SMOC1: variants seen among roughly 807,000 people sequenced by gnomAD.
SMOC1 encodes the protein SPARC-related modular calcium-binding protein 1.
SMOC1 carries 22 observed loss-of-function variants against 56.3 expected under a neutral mutation model. The observed-to-expected ratio is 0.39, with a 90% CI of 0.28 to 0.56. SMOC1 has a LOEUF of 0.56. SMOC1 is among the 20% of genes least tolerant of loss of function. The pLI is 0.61. For missense variants in SMOC1, 509 were observed against 565.4 expected, an observed-to-expected ratio of 0.90 and a Z score of 1.01; for synonymous variants, 193 against 215.0, an observed-to-expected ratio of 0.90 and a Z score of 0.89.
At chr14:69,922,738 G>T (rs1188770336) in intron 1 of SMOC1, among the ~76,000 whole-genome samples, 1 of 152,040 alleles carries the variant, frequency 6.6e-6, no homozygotes, top group East Asian at 1.9e-4. Flanking sequence ...CAGAGCCCTA[G>T]TGTTGGGTGT....
At chr14:69,960,630 T>G (rs953316013) in intron 3 of SMOC1, among the ~76,000 whole-genome samples, 1 of 152,260 alleles carries the variant, frequency 6.6e-6, no homozygotes, top group African/African-American at 2.4e-5. Flanking sequence ...TATTACAGTG[T>G]GAACATCTAC....
At chr14:69,908,817 G>A (rs1004243785) in intron 1 of SMOC1, among the ~76,000 whole-genome samples, 1 of 152,116 alleles carries the variant, frequency 6.6e-6, no homozygotes. Context: ...AAACAGTGTA[G>A]GGGAGTTGTT....
rs538083533 is a variant in SMOC1 at position 70,013,372 on chromosome 14, A to G, written c.941-14A>G. The G allele has an allele frequency of 1.2e-6, 2 of 1,610,938 alleles. No homozygotes were observed. Among genetic ancestry groups the G allele is most frequent in the East Asian group, 2.2e-5 (1 of 44,852 alleles). ...TATCTGGCATCTACCTTCAAATCTCATTTTATCTTTTAGGCTGTCCAGAAG... is the reference window on the plus strand; with the variant it reads ...TATCTGGCATCTACCTTCAAATCTCGTTTTATCTTTTAGGCTGTCCAGAAG... On this transcript the variant is annotated splice_polypyrimidine_tract_variant and intron_variant, in intron 9 of 11. Transcript: ENST00000361956.
At chr14:70,025,481 G>A (rs1386092501) in intron 11 of SMOC1, among the ~76,000 whole-genome samples, 1 of 152,060 alleles carries the variant, frequency 6.6e-6, no homozygotes, top group African/African-American at 2.4e-5. Context: ...TGTCTGACGC[G>A]GATGCTTCTC....
At chr14:69,973,211 T>C (rs74060659) in intron 3 of SMOC1, among the ~76,000 whole-genome samples, 3,007 of 152,324 alleles carry the variant, frequency 0.02, 89 homozygotes, top group African/African-American at 0.069. Flanking sequence ...CTGTGGAGGT[T>C]ACTAGAGGAG....
At chr14:69,921,444 T>C (rs997660498) in intron 1 of SMOC1, among the ~76,000 whole-genome samples, 2 of 152,222 alleles carry the variant, frequency 1.3e-5, no homozygotes, top group East Asian at 1.9e-4. Context: ...TTCCCTATTC[T>C]GGGCCAAGTT....
chr14:69,894,581 C>T (rs777914606), intron 1 of SMOC1, among the ~76,000 whole-genome samples: 1 of 152,142 alleles, frequency 6.6e-6, no homozygotes, highest in Non-Finnish European at 1.5e-5. Context: ...GGAAGGGATG[C>T]TGGAGCAACA....
Position 70,030,361 on chromosome 14 carries a change from A to T in SMOC1, c.*103A>T. On this transcript the variant is annotated 3_prime_UTR_variant, in exon 12 of 12. Transcript: ENST00000361956. Reference sequence around the variant, plus strand: ...CCATGGCCCTGCCACATCCCGTGTAACATAAGTGGTGCCCACCATGTTTGC... The same window carrying T: ...CCATGGCCCTGCCACATCCCGTGTATCATAAGTGGTGCCCACCATGTTTGC... The T allele has an allele frequency of 7.0e-7, 1 of 1,430,142 alleles. No individual in the cohort carries two copies. Among genetic ancestry groups the T allele is most frequent in the Non-Finnish European group, 9.7e-7 (1 of 1,033,482 alleles). The allele number at this position is 1,430,142 out of a possible 1,614,324, so 88.6% of individuals were successfully genotyped here. A position where few individuals can be genotyped will look rare whatever the true frequency, so the allele number is the denominator to read the frequency against.
chr14:69,995,139 G>A (rs150010393), intron 7 of SMOC1, among the ~76,000 whole-genome samples: 25 of 152,290 alleles, frequency 1.6e-4, no homozygotes, highest in Non-Finnish European at 2.6e-4. Flanking sequence ...TTCATTATGC[G>A]AAATACCACT....
At chr14:69,903,391 C>G (rs905008172) in intron 1 of SMOC1, among the ~76,000 whole-genome samples, 2 of 152,192 alleles carry the variant, frequency 1.3e-5, no homozygotes, top group African/African-American at 4.8e-5. Flanking sequence ...GCCGCCACCC[C>G]GTCTGGGAGG....
intron 5 of SMOC1, among the ~76,000 whole-genome samples, chr14:69,990,463 C>T (rs1405367361): frequency 6.6e-6 from 1 of 152,204 alleles, no homozygotes; most frequent in African/African-American, 2.4e-5. Flanking sequence ...AATGAAGCCA[C>T]CCTGTGTGGA....
At chr14:69,998,115 C>T (rs1184994246) in intron 7 of SMOC1, among the ~76,000 whole-genome samples, 1 of 152,178 alleles carries the variant, frequency 6.6e-6, no homozygotes, top group African/African-American at 2.4e-5. Context: ...CCTAGTCTCC[C>T]TCTCTGCTCC....
intron 5 of SMOC1, among the ~76,000 whole-genome samples, chr14:69,981,606 G>C (rs1164681272): frequency 6.6e-6 from 1 of 152,174 alleles, no homozygotes; most frequent in African/African-American, 2.4e-5. Context: ...TATCAGAAGA[G>C]AGGAAGAGGG....
chr14:69,916,978 TCTC>T (rs886770362), intron 1 of SMOC1, among the ~76,000 whole-genome samples: 19 of 152,328 alleles, frequency 1.2e-4, no homozygotes, highest in Admixed American at 7.8e-4. Context: ...AATTCTCATT[TCTC>T]AGACTGACCA....
At chr14:69,946,505 A>G (rs1382235958) in intron 1 of SMOC1, among the ~76,000 whole-genome samples, 1 of 152,118 alleles carries the variant, frequency 6.6e-6, no homozygotes, top group Non-Finnish European at 1.5e-5. Flanking sequence ...TTTATTTTTA[A>G]TGTCTTTTGG....
chr14:69,958,875 A>T (rs1047423965), intron 3 of SMOC1, among the ~76,000 whole-genome samples: 2 of 152,224 alleles, frequency 1.3e-5, no homozygotes, highest in African/African-American at 2.4e-5. Flanking sequence ...GTAGAGGCTT[A>T]TGTAATATAT....
chr14:69,884,459 T>C (rs1566660091), intron 1 of SMOC1, among the ~76,000 whole-genome samples: 1 of 152,234 alleles, frequency 6.6e-6, no homozygotes, highest in East Asian at 1.9e-4. Context: ...TAGTTTGGTA[T>C]AATTTCATTT....
intron 1 of SMOC1, among the ~76,000 whole-genome samples, chr14:69,897,013 G>T (rs1884116391): frequency 6.6e-6 from 1 of 152,210 alleles, no homozygotes; most frequent in African/African-American, 2.4e-5. Flanking sequence ...GGAAGGTCCT[G>T]CTGATTGATG....
At chr14:69,939,570 CAAGTTCTCTCT>C (rs1051462674) in intron 1 of SMOC1, among the ~76,000 whole-genome samples, 1 of 152,162 alleles carries the variant, frequency 6.6e-6, no homozygotes, top group African/African-American at 2.4e-5. Context: ...CTGGCTTTTG[CAAGTTCTCTCT>C]AAGTTTGGGG....
Sources: allele counts gnomAD v4.1 joint callset (sites outside exome capture counted in the v4.1 genomes callset), GRCh38; gene constraint gnomAD v4.1.1; transcripts MANE v1.5; gene names NCBI Gene and HGNC (gene_info 2026-07-23, HGNC 2026-07-21).